Variants in GABBR1 observed in about 807,000 individuals in gnomAD.
GABBR1 encodes GABA-B receptor, R1 subunit.
A neutral mutation model predicts 117.7 loss-of-function variants in GABBR1; 35 were observed. The ratio of observed to expected loss-of-function variants is 0.30; its 90% CI spans 0.23 to 0.39. The LOEUF (loss-of-function observed/expected upper bound fraction) is 0.39. Ranked by LOEUF, GABBR1 falls within the 10% of genes least tolerant of loss-of-function variation. The pLI is 1.00. For missense variants in GABBR1, 709 were observed against 1,241.8 expected (o/e 0.57, Z 6.45); for synonymous variants, 442 against 486.6 (o/e 0.91, Z 1.21).
intron 13 of GABBR1, 49 bp downstream of exon 13, chr6:29,612,502 A>T (rs757192785): frequency 6.5e-7 from 1 of 1,537,064 alleles, no homozygotes; most frequent in Non-Finnish European, 9.0e-7. Context: ...ATCCCAGCCC[A>T]GCCCCAGCCT....
Position 29,621,061 on chromosome 6 carries a change from AC to A in GABBR1, c.1323+39del. On this transcript the variant is annotated intron_variant, in intron 11 of 22. Coordinates refer to ENST00000377034, the MANE Select transcript of GABBR1 (RefSeq NM_001470.4). This position sits in a 1 kb window ranked among gnomAD's most constrained non-coding sequence, Gnocchi z 5.0. ...CTGCAAGGCCCCCTCAGTCCTCTCC[AC>A]CCTCCCAGGTGCCAGACTGCAAGTC... 6.3e-7 allele frequency: 1 copy of A among 1,578,530 alleles called. No homozygotes were observed. Among genetic ancestry groups the A allele is most frequent in the Non-Finnish European group, 8.6e-7 (1 of 1,159,438 alleles).
At chr6:29,629,237 G>A (rs771792427) in intron 4 of GABBR1, 130 bp from the exon 5 acceptor site, 72 of 1,025,266 alleles carry the variant, frequency 7.0e-5, no homozygotes, top group Non-Finnish European at 1.0e-4. Flanking sequence ...GCGTTTCTGA[G>A]GGGAGGGTGC....
Position 29,630,563 on chromosome 6 carries a change from C to T in GABBR1, c.370G>A (p.Gly124Arg), listed in dbSNP as rs547178109. Reference protein sequence around the residue: ...LTGGDLPALDGARVDFRCDPD... With the variant: ...LTGGDLPALDRARVDFRCDPD... ...TCACACCGGAAATCCACCCGGGCTC[C>T]GTCCAGAGCTGGGAGGTCCCCACCC... The change falls in exon 4 of 23, where the codon GGA (glycine) becomes AGA (arginine). Residue 124 changes from glycine to arginine, a missense_variant. By Grantham distance (125) the Gly-to-Arg change is moderately radical (BLOSUM62 -2). Coordinates refer to ENST00000377034, the MANE Select transcript of GABBR1 (RefSeq NM_001470.4). This position sits in a 1 kb window ranked among gnomAD's most constrained non-coding sequence, Gnocchi z 4.9. 63 of 1,613,080 alleles carry T rather than the reference C, an allele frequency of 3.9e-5. No homozygotes were observed. Among genetic ancestry groups the T allele is most frequent in the Admixed American group, 8.3e-5 (5 of 60,028 alleles).
Position 29,627,715 on chromosome 6 carries a change from G to A in GABBR1, c.497-69C>T. 1 of 1,524,372 alleles carries A rather than the reference G, an allele frequency of 6.6e-7. No individual in the cohort carries two copies. Among genetic ancestry groups the A allele is most frequent in the Non-Finnish European group, 8.8e-7 (1 of 1,139,968 alleles). The allele number at this position is 1,524,372 out of a possible 1,614,324, so 94.4% of individuals were successfully genotyped here. On this transcript the variant is annotated intron_variant, in intron 5 of 22. Coordinates refer to ENST00000377034, the MANE Select transcript of GABBR1 (RefSeq NM_001470.4). This position sits in a 1 kb window ranked among gnomAD's most constrained non-coding sequence, Gnocchi z 4.4. ...ATGGGGGGAGTGGGAGGCCCACACC[G>A]GAGCCACCCCTGCCGCCATCACAAC...
chr6:29,617,235 A>C (rs1763231456), intron 11 of GABBR1, among the ~76,000 whole-genome samples: 1 of 150,550 alleles, frequency 6.6e-6, no homozygotes, highest in Non-Finnish European at 1.5e-5. Context: ...CATCTTTGTT[A>C]TTGATACTCA....
chr6:29,623,551 C>G lies in GABBR1; in HGVS notation c.793-76G>C, dbSNP rs1178486838. The G allele has an allele frequency of 7.1e-7, 1 of 1,408,316 alleles. No individual in the cohort carries two copies. The highest frequency in any genetic ancestry group is 9.8e-7 in the Non-Finnish European group (1 of 1,021,580). 87.2% of individuals were successfully genotyped at this position (1,408,316 alleles called of 1,614,324 possible). On this transcript the variant is annotated intron_variant, in intron 7 of 22. Transcript: ENST00000377034. This position sits in a 1 kb window ranked among gnomAD's most constrained non-coding sequence, Gnocchi z 6.2. ...AAGAGTGGCCAAGAGTTCCTTTAACCCTCTTCCTGCCTTTGGGTTTCTCTT... is the reference window on the plus strand; with the variant it reads ...AAGAGTGGCCAAGAGTTCCTTTAACGCTCTTCCTGCCTTTGGGTTTCTCTT...
chr6:29,610,838 T>C (rs1467795355), intron 14 of GABBR1, 86 bp downstream of exon 14: 5 of 1,174,662 alleles, frequency 4.3e-6, no homozygotes, highest in Non-Finnish European at 5.1e-6. Context: ...TAACAGTCTC[T>C]ACCATTCCAT....
rs1275472857 is a variant in GABBR1 at position 29,603,590 on chromosome 6, C to T, written c.2839G>A (p.Asp947Asn). ...CGACTCCCATCACAGCTAAGCCGGT[C>T]GGGGGGCTCAGGGGGTCCCCTGGGC... ...GLPRGPPEPP[D>N]RLSCDGSRVH... The change falls in exon 23 of 23, where the codon GAC becomes AAC. Residue 947 changes from aspartate (D) to asparagine (N), a missense_variant. By Grantham distance (23) the Asp-to-Asn change is conservative (BLOSUM62 1). Coordinates refer to ENST00000377034, the MANE Select transcript of GABBR1 (RefSeq NM_001470.4). The T allele has an allele frequency of 1.9e-5, 31 of 1,591,428 alleles. No individual in the cohort carries two copies. Among genetic ancestry groups the T allele is most frequent in the Non-Finnish European group, 2.6e-5 (30 of 1,169,876 alleles).
chr6:29,604,751 G>T lies in GABBR1; in HGVS notation c.2568+109C>A. The T allele has an allele frequency of 1.3e-6, 2 of 1,584,918 alleles. No individual in the cohort carries two copies. Among genetic ancestry groups the T allele is most frequent in the Non-Finnish European group, 1.7e-6 (2 of 1,160,342 alleles). ...ATAAGAGTTGGGCCCAAAACAAGGGGAGGAGTGAGAGGAGGGTGAACGGAA... is the reference window on the plus strand; with the variant it reads ...ATAAGAGTTGGGCCCAAAACAAGGGTAGGAGTGAGAGGAGGGTGAACGGAA... On this transcript the variant is annotated intron_variant, in intron 21 of 22. Transcript: ENST00000377034. The surrounding 1 kb of genome is among the most constrained non-coding windows in gnomAD (Gnocchi z 5.3).
chr6:29,605,510 T>C lies in GABBR1; in HGVS notation c.2439+59A>G. Reference sequence around the variant, plus strand: ...ATCTAGCATTGATTCTTCCTAGTCCTCTATATCTGGGCTGCTGTGGTCAGC... The same window carrying C: ...ATCTAGCATTGATTCTTCCTAGTCCCCTATATCTGGGCTGCTGTGGTCAGC... On this transcript the variant is annotated intron_variant, in intron 20 of 22. Coordinates refer to ENST00000377034, the MANE Select transcript of GABBR1 (RefSeq NM_001470.4). This position sits in a 1 kb window ranked among gnomAD's most constrained non-coding sequence, Gnocchi z 4.2. The C allele has an allele frequency of 6.3e-7, 1 of 1,591,124 alleles. No individual in the cohort carries two copies. The highest frequency in any genetic ancestry group is 8.6e-7 in the Non-Finnish European group (1 of 1,167,068).
In GABBR1 at chr6:29,602,447, A is replaced by C. The variant is rs1036825697; in HGVS notation, c.*1096T>G. On this transcript the variant is annotated 3_prime_UTR_variant, in exon 23 of 23. Coordinates refer to ENST00000377034, the MANE Select transcript of GABBR1 (RefSeq NM_001470.4). ...ATTTTTCCTTAATTCCCCTCAAAAAAACACAAAACAAAAGGGAGCAGTCTT... is the reference window on the plus strand; with the variant it reads ...ATTTTTCCTTAATTCCCCTCAAAAACACACAAAACAAAAGGGAGCAGTCTT... 1.3e-5 allele frequency: 2 copies of C among 154,948 alleles called. No individual in the cohort carries two copies. The highest frequency in any genetic ancestry group is 2.9e-5 in the Non-Finnish European group (2 of 69,642). 9.6% of individuals were successfully genotyped at this position (154,948 alleles called of 1,614,324 possible).
In GABBR1 at chr6:29,630,834, G is replaced by GA. The variant is rs891638257; in HGVS notation, c.290-192dup. ...TGCAAGCATCCACACATTCCCAAAA[G>GA]AAAAAAAAAATTACCATTTTAGGAA... is the stretch of plus-strand genomic sequence containing the variant. On this transcript the variant is annotated intron_variant, in intron 3 of 22. Transcript: ENST00000377034. This position sits in a 1 kb window ranked among gnomAD's most constrained non-coding sequence, Gnocchi z 4.9. Among the ~76,000 whole-genome samples, 15 of 148,602 alleles carry GA rather than the reference G, an allele frequency of 1.0e-4. No individual in the cohort carries two copies. Among genetic ancestry groups the GA allele is most frequent in the African/African-American group, 2.2e-4 (9 of 40,552 alleles).
chr6:29,612,419 T>C, intron 13 of GABBR1, 132 bp downstream of exon 13: 1 of 641,200 alleles, frequency 1.6e-6, no homozygotes, highest in East Asian at 2.7e-5. Context: ...TGAACAGAGT[T>C]AAAAGAGAAG....
In GABBR1 at chr6:29,603,510, C is replaced by T; in HGVS notation, c.*33G>A. 1 of 1,531,776 alleles carries T rather than the reference C, an allele frequency of 6.5e-7. No individual in the cohort carries two copies. The highest frequency in any genetic ancestry group is 1.4e-5 in the African/African-American group (1 of 72,810). The allele number at this position is 1,531,776 out of a possible 1,614,324, so 94.9% of individuals were successfully genotyped here. A position where few individuals can be genotyped will look rare whatever the true frequency, so the allele number is the denominator to read the frequency against. ...CTGCCCTTCCCCTCTCCCTTTCCCTCCCCCTACTGGCCTGTCCTCCCTCAC... is the reference window on the plus strand; with the variant it reads ...CTGCCCTTCCCCTCTCCCTTTCCCTTCCCCTACTGGCCTGTCCTCCCTCAC... On this transcript the variant is annotated 3_prime_UTR_variant, in exon 23 of 23. Coordinates refer to ENST00000377034, the MANE Select transcript of GABBR1 (RefSeq NM_001470.4).
intron 11 of GABBR1, among the ~76,000 whole-genome samples, chr6:29,615,075 C>T (rs534216977): frequency 6.7e-6 from 1 of 150,318 alleles, no homozygotes; most frequent in African/African-American, 2.4e-5. Flanking sequence ...TGCCTGAGCT[C>T]AGGAGTTAAA....
In GABBR1 at chr6:29,623,860, C is replaced by A; in HGVS notation, c.792+30G>T. 1 of 1,605,934 alleles carries A rather than the reference C, an allele frequency of 6.2e-7. No homozygotes were observed. Among genetic ancestry groups the A allele is most frequent in the Non-Finnish European group, 8.5e-7 (1 of 1,176,302 alleles). On this transcript the variant is annotated intron_variant, in intron 7 of 22. Coordinates refer to ENST00000377034, the MANE Select transcript of GABBR1 (RefSeq NM_001470.4). The surrounding 1 kb of genome is among the most constrained non-coding windows in gnomAD (Gnocchi z 6.2). ...CAGTAGAGCTCAAAAGGGAATGACCCCATCTTCTGACCCCCATAGCCCTGC... is the reference window on the plus strand; with the variant it reads ...CAGTAGAGCTCAAAAGGGAATGACCACATCTTCTGACCCCCATAGCCCTGC...
chr6:29,605,815 C>T lies in GABBR1; in HGVS notation c.2312-119G>A. On this transcript the variant is annotated intron_variant, in intron 19 of 22. Transcript: ENST00000377034. This position sits in a 1 kb window ranked among gnomAD's most constrained non-coding sequence, Gnocchi z 4.2. ...TGGAAAGGGGGCCCTCCTCTCCAATCCAACCCCTCTGACCTAGCAAACCTC... is the reference window on the plus strand; with the variant it reads ...TGGAAAGGGGGCCCTCCTCTCCAATTCAACCCCTCTGACCTAGCAAACCTC... The T allele has an allele frequency of 2.4e-6, 3 of 1,251,842 alleles. No individual in the cohort carries two copies. The highest frequency in any genetic ancestry group is 1.4e-5 in the South Asian group (1 of 70,528). 77.5% of individuals were successfully genotyped at this position (1,251,842 alleles called of 1,614,324 possible). A position where few individuals can be genotyped will look rare whatever the true frequency, so the allele number is the denominator to read the frequency against.
Position 29,604,660 on chromosome 6 carries a change from G to A in GABBR1, c.2569-23C>T. On this transcript the variant is annotated intron_variant, in intron 21 of 22. Coordinates refer to ENST00000377034, the MANE Select transcript of GABBR1 (RefSeq NM_001470.4). This position sits in a 1 kb window ranked among gnomAD's most constrained non-coding sequence, Gnocchi z 5.3. ...CATCTGGGGGCAAATGTTTGGGCGT[G>A]GGGTGGCCCAGCAAGGACTGTACTA... is the stretch of plus-strand genomic sequence containing the variant. 1.2e-6 allele frequency: 2 copies of A among 1,613,148 alleles called. No individual in the cohort carries two copies. The highest frequency in any genetic ancestry group is 1.3e-5 in the African/African-American group (1 of 75,016).
rs1762810591 is a variant in GABBR1, at chr6:29,613,942, C to T, written c.1324-457G>A. On this transcript the variant is annotated intron_variant, in intron 11 of 22. Transcript: ENST00000377034. This position sits in a 1 kb window ranked among gnomAD's most constrained non-coding sequence, Gnocchi z 4.1. ...TTCTAGAAAAGGTGATAGCAGTCTT[C>T]TCACTCTGCTTGCCAGCCAGGAGGA... Among the ~76,000 whole-genome samples, 2 of 152,224 alleles carry T rather than the reference C, an allele frequency of 1.3e-5. No individual in the cohort carries two copies. The highest frequency in any genetic ancestry group is 2.9e-5 in the Non-Finnish European group (2 of 68,038).
Sources: gnomAD v4.1 joint callset for allele counts (sites outside exome capture counted in the v4.1 genomes callset) on GRCh38, gnomAD v4.1.1 for gene constraint, Gnocchi (gnomAD v3.1) non-coding constraint, MANE v1.5 for transcripts, NCBI Gene and HGNC (gene_info 2026-07-23, HGNC 2026-07-21) for gene names.